Variants in HSP90AA1 observed in about 807,000 individuals in gnomAD.
The protein encoded by HSP90AA1 is heat shock protein 90 alpha family class A member 1, also known as heat shock protein HSP 90-alpha.
A neutral mutation model predicts 73.3 loss-of-function variants in HSP90AA1; 18 were observed. The observed-to-expected ratio is 0.25, with a 90% CI of 0.17 to 0.36. The LOEUF (loss-of-function observed/expected upper bound fraction) is 0.36, where lower values mean the gene tolerates loss of function less well. Ranked by LOEUF, HSP90AA1 falls within the 10% of genes least tolerant of loss-of-function variation. HSP90AA1 has a pLI of 1.00. For missense variants in HSP90AA1, 704 were observed against 874.2 expected, an observed-to-expected ratio of 0.81 and a Z score of 2.45; for synonymous variants, 477 against 296.9, an observed-to-expected ratio of 1.61 and a Z score of -6.24.
intron 2 of HSP90AA1, among the ~76,000 whole-genome samples, chr14:102,093,232 C>T (rs10141275): frequency 0.027 from 3,968 of 148,658 alleles, 184 homozygotes; most frequent in African/African-American, 0.091. Flanking sequence ...AAAAAAAGGC[C>T]GGGTGCAGTG....
upstream of HSP90AA1, among the ~76,000 whole-genome samples, chr14:102,091,639 C>T (rs912411472): frequency 6.6e-6 from 1 of 151,132 alleles, no homozygotes; most frequent in Non-Finnish European, 1.5e-5. Context: ...AACAAACAAA[C>T]AAAAAAAGAG....
intron 6 of HSP90AA1, 59 bp downstream of exon 6, chr14:102,084,340 C>T (rs1164984921): frequency 2.0e-6 from 3 of 1,508,926 alleles, no homozygotes; most frequent in Non-Finnish European, 2.8e-6. Context: ...GCCACCATGC[C>T]CACCCAGAAA....
At chr14:102,097,322 T>A (rs374036042) in intron 2 of HSP90AA1, among the ~76,000 whole-genome samples, 1 of 143,482 alleles carries the variant, frequency 7.0e-6, no homozygotes, top group African/African-American at 2.6e-5. Context: ...AATGGAGGGT[T>A]AAAAAAAAAA....
At position 102,086,393 on chromosome 14, in the gene HSP90AA1, C is replaced by T; in HGVS notation, c.1-15G>A. On this transcript the variant is annotated splice_polypyrimidine_tract_variant and intron_variant, in intron 1 of 10. Transcript: ENST00000216281. Reference sequence around the variant, plus strand: ...TCCTCAGGCATCTGGAACGACACCGCGCCGGTTTAAAACCTTGCAGGACGT... The same window carrying T: ...TCCTCAGGCATCTGGAACGACACCGTGCCGGTTTAAAACCTTGCAGGACGT... 1.9e-6 allele frequency: 3 copies of T among 1,614,162 alleles called. No homozygotes were observed. Among genetic ancestry groups the T allele is most frequent in the Non-Finnish European group, 2.5e-6 (3 of 1,180,018 alleles).
Position 102,100,511 on chromosome 14 carries a change from C to T in HSP90AA1, c.366+1364G>A, listed in dbSNP as rs142428072. Among the ~76,000 whole-genome samples, 676 of 151,904 alleles carry T rather than the reference C, an allele frequency of 4.5e-3. 6 individuals carry two copies. Among genetic ancestry groups the T allele is most frequent in the African/African-American group, 0.015 (623 of 41,410 alleles). Reference sequence around the variant, plus strand: ...CACGATCTCAGCTCCCCACAACCTCCGCCTCCCGGGTTCAAGCGGTTCTCC... The same window carrying T: ...CACGATCTCAGCTCCCCACAACCTCTGCCTCCCGGGTTCAAGCGGTTCTCC... On this transcript the variant is annotated intron_variant, in intron 2 of 11. Transcript: ENST00000334701.
At chr14:102,139,397 G>A (rs756578586) in exon 1 of HSP90AA1, 2 of 1,566,894 alleles carry the variant, frequency 1.3e-6, no homozygotes, top group South Asian at 1.2e-5. Flanking sequence ...GCCCGAACAC[G>A]GGGGCATCCG....
intron 1 of HSP90AA1, among the ~76,000 whole-genome samples, chr14:102,121,142 T>A (rs528983216): frequency 6.6e-6 from 1 of 152,134 alleles, no homozygotes; most frequent in South Asian, 2.1e-4. Context: ...AAATGATTGA[T>A]GCTCCTGCCT....
At chr14:102,125,414 G>A (rs8018068) in intron 1 of HSP90AA1, among the ~76,000 whole-genome samples, 2,603 of 152,288 alleles carry the variant, frequency 0.017, 50 homozygotes, top group South Asian at 0.097. Flanking sequence ...AAACTGAAAT[G>A]TGACCATATG....
upstream of HSP90AA1, among the ~76,000 whole-genome samples, chr14:102,090,734 A>C (rs2049346426): frequency 6.6e-6 from 1 of 152,236 alleles, no homozygotes; most frequent in Non-Finnish European, 1.5e-5. Flanking sequence ...TAGAGGCGTG[A>C]GCCACAGTGC....
intron 1 of HSP90AA1, among the ~76,000 whole-genome samples, chr14:102,123,636 A>C (rs1324507448): frequency 6.6e-6 from 1 of 151,018 alleles, no homozygotes. Context: ...TTGGTCTCCT[A>C]CAGTACTAGG....
At chr14:102,099,108 G>T (rs149455715) in intron 2 of HSP90AA1, among the ~76,000 whole-genome samples, 22 of 152,302 alleles carry the variant, frequency 1.4e-4, no homozygotes, top group Non-Finnish European at 2.6e-4. Context: ...AAATCATAAT[G>T]CTAAGTTCAT....
intron 1 of HSP90AA1, 21 bp downstream of exon 1, chr14:102,086,965 G>GC (rs941104480): frequency 3.4e-5 from 33 of 983,738 alleles, no homozygotes; most frequent in African/African-American, 2.5e-4. Flanking sequence ...ACCTCCACAG[G>GC]CCCCCACAAC....
At chr14:102,101,872 T>C (rs1157619867) in intron 2 of HSP90AA1, 2 of 1,608,082 alleles carry the variant, frequency 1.2e-6, no homozygotes, top group African/African-American at 2.7e-5. Flanking sequence ...TTAGTCCACT[T>C]ACCAGTAGCC....
chr14:102,082,270 C>CAA lies in HSP90AA1; in HGVS notation c.1928_1929dup (p.Glu644LeufsTer4), dbSNP rs1566717606. The CAA allele has an allele frequency of 6.2e-7, 1 of 1,613,780 alleles. No homozygotes were observed. The highest frequency in any genetic ancestry group is 1.3e-5 in the African/African-American group (1 of 74,896). On this transcript the variant is annotated frameshift_variant, in exon 10 of 11. Coordinates refer to ENST00000216281, the MANE Select transcript of HSP90AA1 (RefSeq NM_005348.4). LOFTEE classifies it high-confidence loss of function. ...GCCTCTGCCTTTTGCCTTAAGGTCT[C>CAA]AATAATGGAATGGTCAGGGTTTATC... is the stretch of plus-strand genomic sequence containing the variant.
chr14:102,130,573 T>C (rs994320144), intron 1 of HSP90AA1, among the ~76,000 whole-genome samples: 2 of 152,194 alleles, frequency 1.3e-5, no homozygotes, highest in Admixed American at 6.6e-5. Context: ...TCCCTGGCCA[T>C]TTGTGTAACT....
rs919661551 is a variant in HSP90AA1, at chr14:102,081,530, G to A, written c.*182C>T. The A allele has an allele frequency of 4.9e-6, 3 of 617,124 alleles. No individual in the cohort carries two copies. Among genetic ancestry groups the A allele is most frequent in the Middle Eastern group, 8.6e-4 (2 of 2,324 alleles). 38.2% of individuals were successfully genotyped at this position (617,124 alleles called of 1,614,324 possible). ...AAACTCAAAAAGCATTACTAGCTCT[G>A]CTTTAGTGCCTAAGGTATCACAGCA... On this transcript the variant is annotated 3_prime_UTR_variant, in exon 11 of 11. Coordinates refer to ENST00000216281, the MANE Select transcript of HSP90AA1 (RefSeq NM_005348.4).
intron 1 of HSP90AA1, among the ~76,000 whole-genome samples, chr14:102,113,319 C>T (rs535511593): frequency 1.3e-4 from 20 of 149,984 alleles, no homozygotes; most frequent in Admixed American, 4.0e-4. Flanking sequence ...CCACCGCGCC[C>T]GGCTTGCTTG....
intron 2 of HSP90AA1, among the ~76,000 whole-genome samples, chr14:102,098,022 A>G (rs958974550): frequency 6.6e-6 from 1 of 152,064 alleles, no homozygotes; most frequent in Non-Finnish European, 1.5e-5. Context: ...CTCCTTTAGG[A>G]GACAGGTCAA....
chr14:102,080,801 A>G lies in HSP90AA1; in HGVS notation c.*911T>C. 2 of 224,176 alleles carry G rather than the reference A, an allele frequency of 8.9e-6. No homozygotes were observed. Among genetic ancestry groups the G allele is most frequent in the East Asian group, 6.4e-5 (1 of 15,568 alleles). The allele number at this position is 224,176 out of a possible 1,614,324, so 13.9% of individuals were successfully genotyped here. On this transcript the variant is annotated 3_prime_UTR_variant, in exon 11 of 11. Coordinates refer to ENST00000216281, the MANE Select transcript of HSP90AA1 (RefSeq NM_005348.4). The stretch of plus-strand genomic sequence containing the variant: ...GGTATTCCATGAATAACATCAAAAC[A>G]ACGTGGACACTAAGAGAACACATGT...
Sources: allele counts gnomAD v4.1 joint callset (sites outside exome capture counted in the v4.1 genomes callset), GRCh38; gene constraint gnomAD v4.1.1; transcripts MANE v1.5; gene names NCBI Gene and HGNC (gene_info 2026-07-23, HGNC 2026-07-21).